FHIT: variants seen among roughly 807,000 people sequenced by gnomAD.
FHIT encodes the protein bis(5'-adenosyl)-triphosphatase.
Under a neutral mutation model 17.9 loss-of-function variants are expected in FHIT, and 19 were observed. The ratio of observed to expected loss-of-function variants is 1.06; its 90% CI spans 0.74 to 1.56. FHIT has a LOEUF of 1.56. FHIT is among the 40% of genes most tolerant of loss of function. The pLI, the probability that FHIT is intolerant of heterozygous loss-of-function variation, is 0.00. For synonymous variants in FHIT, 81 were observed against 69.7 expected (o/e 1.16, Z -0.81); for missense variants, 248 against 189.2 (o/e 1.31, Z -1.82).
intron 7 of FHIT, among the ~76,000 whole-genome samples, chr3:59,977,726 C>A (rs1433300778): frequency 6.6e-6 from 1 of 152,090 alleles, no homozygotes; most frequent in Admixed American, 6.6e-5. Flanking sequence ...TTCTCTCATG[C>A]CAGGATTGAA....
chr3:60,568,812 C>T (rs995366416), intron 4 of FHIT, among the ~76,000 whole-genome samples: 3 of 151,968 alleles, frequency 2.0e-5, no homozygotes, highest in Admixed American at 2.0e-4. Flanking sequence ...TTAACAGGAG[C>T]ACATACTTAA....
intron 5 of FHIT, among the ~76,000 whole-genome samples, chr3:60,080,357 G>A (rs951874228): frequency 2.6e-5 from 4 of 152,130 alleles, no homozygotes; most frequent in Admixed American, 6.6e-5. Flanking sequence ...AGATTTAATA[G>A]AAATAGCTTT....
At chr3:59,843,887 G>C (rs942599305) in intron 8 of FHIT, among the ~76,000 whole-genome samples, 1 of 152,046 alleles carries the variant, frequency 6.6e-6, no homozygotes, top group Non-Finnish European at 1.5e-5. Flanking sequence ...CCCAATGTTG[G>C]AGATGAGTCC....
intron 5 of FHIT, among the ~76,000 whole-genome samples, chr3:60,400,714 C>T (rs1415928917): frequency 3.3e-5 from 5 of 152,064 alleles, no homozygotes; most frequent in Admixed American, 6.5e-5. Flanking sequence ...TAAGCAGGAT[C>T]ACACCATTTG....
At chr3:60,868,408 C>A (rs1553754305) in intron 3 of FHIT, among the ~76,000 whole-genome samples, 1 of 152,100 alleles carries the variant, frequency 6.6e-6, no homozygotes, top group Non-Finnish European at 1.5e-5. Context: ...TTGATAGATT[C>A]CCCTCTCTTG....
chr3:60,476,078 G>A (rs2033329508), intron 5 of FHIT, among the ~76,000 whole-genome samples: 1 of 152,194 alleles, frequency 6.6e-6, no homozygotes, highest in Admixed American at 6.5e-5. Context: ...TAATAGAAGT[G>A]AGATAGTAGA....
chr3:59,848,318 T>G (rs1197601887), intron 8 of FHIT, among the ~76,000 whole-genome samples: 1 of 152,164 alleles, frequency 6.6e-6, no homozygotes, highest in Non-Finnish European at 1.5e-5. Flanking sequence ...AACAGACAGA[T>G]TCTGCCAATG....
At chr3:60,441,757 A>ATATATATTT (rs1336572305) in intron 5 of FHIT, among the ~76,000 whole-genome samples, 1 of 55,940 alleles carries the variant, frequency 1.8e-5, no homozygotes, top group African/African-American at 4.9e-5. Flanking sequence ...TATATATAAA[A>ATATATATTT]ATATATATAT....
At chr3:60,512,165 C>T (rs73833964) in intron 5 of FHIT, among the ~76,000 whole-genome samples, 24,363 of 152,128 alleles carry the variant, frequency 0.16, 2,441 homozygotes, top group African/African-American at 0.26. Context: ...TGGAACAAGA[C>T]ATGTCTATTA....
rs2040288198 is a variant in FHIT at position 61,238,510 on chromosome 3, A to C, written c.-213+12791T>G. ...GGAAGAGAAGCATTGATTTAAAATC[A>C]AAGGTTAAATAAAAGCTGTAAAAAG... is the stretch of plus-strand genomic sequence containing the variant. On this transcript the variant is annotated intron_variant, in intron 1 of 9. Transcript: ENST00000492590. Among the ~76,000 whole-genome samples the C allele has an allele frequency of 2.0e-5, 3 of 152,366 alleles. 1 individual carries two copies. The highest frequency in any genetic ancestry group is 3.4e-3 in the Middle Eastern group (1 of 294).
intron 5 of FHIT, among the ~76,000 whole-genome samples, chr3:60,386,949 TG>T (rs1701034461): frequency 6.6e-6 from 1 of 152,096 alleles, no homozygotes; most frequent in South Asian, 2.1e-4. Flanking sequence ...GATTCTAATC[TG>T]GTCTGCTCTT....
At chr3:59,753,383 A>C (rs1352678777) in intron 8 of FHIT, among the ~76,000 whole-genome samples, 1 of 152,222 alleles carries the variant, frequency 6.6e-6, no homozygotes, top group Non-Finnish European at 1.5e-5. Flanking sequence ...AATTGTGTGT[A>C]TGTCTCAGAT....
chr3:60,472,685 C>G (rs2121862), intron 5 of FHIT, among the ~76,000 whole-genome samples: 48,897 of 151,940 alleles, frequency 0.32, 8,502 homozygotes, highest in East Asian at 0.58. Flanking sequence ...AAGCAGCGCT[C>G]GTCTTTGCTG....
intron 4 of FHIT, among the ~76,000 whole-genome samples, chr3:60,538,343 T>G (rs1457971557): frequency 6.6e-6 from 1 of 152,102 alleles, no homozygotes; most frequent in Non-Finnish European, 1.5e-5. Flanking sequence ...AGAACCAGTA[T>G]TGAGAAAATG....
intron 4 of FHIT, among the ~76,000 whole-genome samples, chr3:60,710,131 T>C (rs568450323): frequency 2.8e-4 from 43 of 152,144 alleles, no homozygotes; most frequent in Admixed American, 5.2e-4. Flanking sequence ...TAATAATTTT[T>C]ACTTTTCAAC....
chr3:59,959,861 C>G (rs1003989168), intron 7 of FHIT, among the ~76,000 whole-genome samples: 1 of 152,098 alleles, frequency 6.6e-6, no homozygotes, highest in Admixed American at 6.6e-5. Context: ...GAGAGCTGAA[C>G]TGATAGGCAA....
At chr3:60,386,743 C>T (rs1701025893) in intron 5 of FHIT, among the ~76,000 whole-genome samples, 2 of 152,180 alleles carry the variant, frequency 1.3e-5, no homozygotes, top group South Asian at 4.1e-4. Context: ...AACAAAGAAA[C>T]CAACCTACAC....
chr3:59,788,578 T>TGG (rs1699410794), intron 8 of FHIT, among the ~76,000 whole-genome samples: 1 of 152,180 alleles, frequency 6.6e-6, no homozygotes, highest in African/African-American at 2.4e-5. Flanking sequence ...CATTCTAGAT[T>TGG]GGCCCTCTCC....
intron 1 of FHIT, among the ~76,000 whole-genome samples, chr3:61,234,785 T>C (rs1258168958): frequency 6.6e-6 from 1 of 152,240 alleles, no homozygotes; most frequent in African/African-American, 2.4e-5. Flanking sequence ...ACACCAACTT[T>C]GTCTAATACC....
Sources: gnomAD v4.1 joint callset for allele counts (sites outside exome capture counted in the v4.1 genomes callset) on GRCh38, gnomAD v4.1.1 for gene constraint, MANE v1.5 for transcripts, NCBI Gene and HGNC (gene_info 2026-07-23, HGNC 2026-07-21) for gene names.